The following CNTNAP5 variants were observed in gnomAD, a reference collection of about 807,000 sequenced individuals.
CNTNAP5 encodes contactin-associated protein-like 5.
CNTNAP5 carries 72 observed loss-of-function variants against 150.2 expected under a neutral mutation model. The observed-to-expected ratio is 0.48, with a 90% CI of 0.40 to 0.58. CNTNAP5 has a LOEUF of 0.58. Ranked by LOEUF, CNTNAP5 falls within the 20% of genes least tolerant of loss-of-function variation. CNTNAP5 has a pLI of 0.00. For synonymous variants in CNTNAP5, 672 were observed against 619.8 expected (o/e 1.08, Z -1.25); for missense variants, 1,636 against 1,626.2 (o/e 1.01, Z -0.10).
intron 19 of CNTNAP5, among the ~76,000 whole-genome samples, chr2:124,822,923 C>T (rs1453385799): frequency 6.6e-6 from 1 of 152,154 alleles, no homozygotes; most frequent in Non-Finnish European, 1.5e-5. Flanking sequence ...GTGAATATTT[C>T]CCGAGTCCCA....
At chr2:124,884,093 T>C (rs1207735382) in intron 21 of CNTNAP5, among the ~76,000 whole-genome samples, 1 of 152,124 alleles carries the variant, frequency 6.6e-6, no homozygotes, top group Non-Finnish European at 1.5e-5. Flanking sequence ...TGTATGTCTG[T>C]GTGCATGTAC....
At chr2:124,898,347 C>T (rs1331764918) in intron 21 of CNTNAP5, among the ~76,000 whole-genome samples, 2 of 151,320 alleles carry the variant, frequency 1.3e-5, no homozygotes, top group Admixed American at 6.6e-5. Context: ...CTGATCTTTT[C>T]GTGTTTCTTT....
intron 13 of CNTNAP5, among the ~76,000 whole-genome samples, chr2:124,716,046 G>A (rs575610499): frequency 2.5e-4 from 38 of 152,074 alleles, no homozygotes; most frequent in African/African-American, 7.0e-4. Context: ...TCAAGCCCAG[G>A]TGCACCTTGA....
At chr2:124,170,376 T>C (rs2104662939) in intron 1 of CNTNAP5, among the ~76,000 whole-genome samples, 1 of 152,318 alleles carries the variant, frequency 6.6e-6, no homozygotes, top group Non-Finnish European at 1.5e-5. Context: ...GACTTGTTCA[T>C]TTGGCATGAT....
At chr2:124,889,333 C>T (rs998628321) in intron 21 of CNTNAP5, among the ~76,000 whole-genome samples, 4 of 151,822 alleles carry the variant, frequency 2.6e-5, no homozygotes, top group East Asian at 2.0e-4. Context: ...TCAAGTTATC[C>T]GCCCGCCTTG....
chr2:124,413,326 T>G (rs1294033488), intron 3 of CNTNAP5, among the ~76,000 whole-genome samples: 2 of 151,458 alleles, frequency 1.3e-5, no homozygotes, highest in African/African-American at 4.9e-5. Flanking sequence ...ATTGTGGCGA[T>G]TCCTCAGGGA....
At chr2:124,911,361 C>T (rs1003263422) in intron 22 of CNTNAP5, 106 bp from the exon 23 acceptor site, 91 of 760,012 alleles carry the variant, frequency 1.2e-4, no homozygotes, top group Admixed American at 2.0e-4. Context: ...TATTTGAGGG[C>T]ACCTGGTGTA....
At chr2:124,217,733 C>T (rs1686195236) in intron 1 of CNTNAP5, among the ~76,000 whole-genome samples, 1 of 152,138 alleles carries the variant, frequency 6.6e-6, no homozygotes, top group Admixed American at 6.6e-5. Flanking sequence ...AAAATATTTG[C>T]TCTCAAATGT....
chr2:124,369,874 G>A (rs185936206), intron 3 of CNTNAP5, among the ~76,000 whole-genome samples: 1 of 152,098 alleles, frequency 6.6e-6, no homozygotes, highest in African/African-American at 2.4e-5. Context: ...TTTATAATCA[G>A]AGCAATCTGG....
intron 19 of CNTNAP5, among the ~76,000 whole-genome samples, chr2:124,827,866 C>T (rs1429231323): frequency 6.6e-6 from 1 of 152,158 alleles, no homozygotes; most frequent in Non-Finnish European, 1.5e-5. Flanking sequence ...TCTTCCCCCA[C>T]TTCCCTTGTT....
intron 13 of CNTNAP5, among the ~76,000 whole-genome samples, chr2:124,677,632 T>C (rs111964542): frequency 0.021 from 3,263 of 152,092 alleles, 60 homozygotes; most frequent in Middle Eastern, 0.037. Context: ...ATCCTTCAGC[T>C]AGACACAGAG....
chr2:124,683,199 A>G (rs918077949), intron 13 of CNTNAP5, among the ~76,000 whole-genome samples: 4 of 151,336 alleles, frequency 2.6e-5, no homozygotes, highest in Admixed American at 1.3e-4. Context: ...CGTGTGCCCC[A>G]CTCTCCCATA....
intron 3 of CNTNAP5, among the ~76,000 whole-genome samples, chr2:124,316,900 A>G (rs1688980766): frequency 6.6e-6 from 1 of 152,094 alleles, no homozygotes. Context: ...CAAGGTCTAC[A>G]CTAAAAACTT....
chr2:124,563,024 G>A (rs550205990), intron 10 of CNTNAP5, among the ~76,000 whole-genome samples, 193 bp from the exon 11 acceptor site: 15 of 152,162 alleles, frequency 9.9e-5, no homozygotes, highest in Admixed American at 9.2e-4. Flanking sequence ...GTAATGCAAG[G>A]TGATTCTACC....
chr2:124,845,438 A>ATTTTTTTTTTTTTTTTTTTTTTTTTTTT (rs201596844), intron 19 of CNTNAP5, among the ~76,000 whole-genome samples: 1 of 131,312 alleles, frequency 7.6e-6, no homozygotes, highest in African/African-American at 2.7e-5. Context: ...GGTCTGTAGT[A>ATTTTTTTTTTTTTTTTTTTTTTTTTTTT]TTTTTTTTTT....
intron 2 of CNTNAP5, among the ~76,000 whole-genome samples, chr2:124,228,663 A>G (rs1686531100): frequency 1.3e-5 from 2 of 152,160 alleles, no homozygotes; most frequent in African/African-American, 4.8e-5. Flanking sequence ...ATACTGAAAG[A>G]TCATACTATA....
chr2:124,706,002 C>T (rs1202238048), intron 13 of CNTNAP5, among the ~76,000 whole-genome samples: 3 of 152,168 alleles, frequency 2.0e-5, no homozygotes, highest in Non-Finnish European at 1.5e-5. Context: ...CCTAACAGCT[C>T]ATTCTGCCCA....
intron 13 of CNTNAP5, among the ~76,000 whole-genome samples, chr2:124,660,058 G>A (rs1162652844): frequency 6.6e-6 from 1 of 150,852 alleles, no homozygotes; most frequent in Non-Finnish European, 1.5e-5. Flanking sequence ...AAGGAAGGAA[G>A]GAAGGAAGGA....
chr2:124,592,229 C>T (rs974777357), intron 11 of CNTNAP5, among the ~76,000 whole-genome samples: 12 of 151,962 alleles, frequency 7.9e-5, no homozygotes, highest in African/African-American at 2.2e-4. Flanking sequence ...TTTCTTGGAG[C>T]AGATCACTAG....
Sources: allele counts gnomAD v4.1 joint callset (sites outside exome capture counted in the v4.1 genomes callset), GRCh38; gene constraint gnomAD v4.1.1; transcripts MANE v1.5; gene names NCBI Gene and HGNC (gene_info 2026-07-23, HGNC 2026-07-21).